The following SEC61A1 variants were observed in gnomAD, a reference collection of about 807,000 sequenced individuals.
SEC61A1 encodes the protein protein transport protein Sec61 subunit alpha isoform 1.
In SEC61A1, 15 loss-of-function variants were observed where a neutral mutation model predicts 55.2. That is an observed-to-expected ratio of 0.27 (90% CI 0.18 to 0.42). The LOEUF (loss-of-function observed/expected upper bound fraction) is 0.42, where lower values mean the gene tolerates loss of function less well. Among genes scored for constraint, SEC61A1 ranks in the 10% least tolerant of loss-of-function variants. SEC61A1 has a pLI of 1.00. For synonymous variants in SEC61A1, 247 were observed against 234.0 expected (o/e 1.06, Z -0.51); for missense variants, 284 against 602.6 (o/e 0.47, Z 5.53).
chr3:128,052,039 A>G (rs1400793783), upstream of SEC61A1: 1 of 748,362 alleles, frequency 1.3e-6, no homozygotes, highest in African/African-American at 1.7e-5. Flanking sequence ...CTAACGTCAA[A>G]GAGCAGTGAG....
intron 2 of SEC61A1, among the ~76,000 whole-genome samples, 167 bp downstream of exon 2, chr3:128,053,069 C>T (rs993707402): frequency 3.3e-5 from 5 of 152,176 alleles, no homozygotes; most frequent in African/African-American, 1.2e-4. Context: ...GAAAGGTGAC[C>T]TGGTTGTGTG....
intron 1 of SEC61A1, 129 bp downstream of exon 1, chr3:128,052,688 C>T (rs1941707084): frequency 6.6e-7 from 1 of 1,521,988 alleles, no homozygotes; most frequent in African/African-American, 1.4e-5. Flanking sequence ...TGCCCCCGGC[C>T]CTTCTCGAGT....
At position 128,069,886 on chromosome 3, in the gene SEC61A1, G is replaced by A. The variant is rs561318023; in HGVS notation, c.*224G>A. ...TGTGAAAGTGAAATTTTATTCAGCC[G>A]ACTGCCAGAGAAGTGGGAATGGTAT... On this transcript the variant is annotated 3_prime_UTR_variant, in exon 12 of 12. Coordinates refer to ENST00000243253, the MANE Select transcript of SEC61A1 (RefSeq NM_013336.4). 87 of 540,548 alleles carry A rather than the reference G, an allele frequency of 1.6e-4. No individual in the cohort carries two copies. The highest frequency in any genetic ancestry group is 1.3e-3 in the African/African-American group (68 of 52,606). 33.5% of individuals were successfully genotyped at this position (540,548 alleles called of 1,614,324 possible).
At position 128,068,035 on chromosome 3, in the gene SEC61A1, C is replaced by T; in HGVS notation, c.1220C>T (p.Thr407Ile). ...QQMVMRGHRETSMVHELNRYI... is the reference protein window; with the variant it reads ...QQMVMRGHREISMVHELNRYI... ...ATGGTGATGAGAGGCCACCGAGAGACCTCCATGGTCCATGAACTCAACCGG... is the reference window on the plus strand; with the variant it reads ...ATGGTGATGAGAGGCCACCGAGAGATCTCCATGGTCCATGAACTCAACCGG... The change falls in exon 11 of 12, where the codon ACC (threonine) becomes ATC (isoleucine). Residue 407 changes from threonine (T) to isoleucine (I), a missense_variant. By Grantham distance (89) the Thr-to-Ile change is moderately conservative. Transcript: ENST00000243253. The T allele has an allele frequency of 1.2e-6, 2 of 1,613,954 alleles. No homozygotes were observed. The highest frequency in any genetic ancestry group is 1.7e-6 in the Non-Finnish European group (2 of 1,179,952).
At chr3:128,069,172 ATAAT>A (rs1352770719) in intron 11 of SEC61A1, among the ~76,000 whole-genome samples, 1 of 152,226 alleles carries the variant, frequency 6.6e-6, no homozygotes, top group East Asian at 1.9e-4. Flanking sequence ...TTTCAACATT[ATAAT>A]TAATGTTAAG....
At chr3:128,051,980 G>C, upstream of SEC61A1, 1 of 1,182,676 alleles carries the variant, frequency 8.5e-7, no homozygotes, top group East Asian at 2.5e-5. Context: ...GGGCGCCGCG[G>C]TAGACGCTGG....
At chr3:128,069,006 CTTAATA>C (rs1361764945) in intron 11 of SEC61A1, 1 of 152,620 alleles carries the variant, frequency 6.6e-6, no homozygotes, top group African/African-American at 2.4e-5. Context: ...AGTTCATTCT[CTTAATA>C]TTAAGCTGCT....
At chr3:128,055,127 C>G (rs1456962221) in intron 2 of SEC61A1, among the ~76,000 whole-genome samples, 3 of 152,184 alleles carry the variant, frequency 2.0e-5, no homozygotes. Flanking sequence ...TTTTACAAGT[C>G]ATGTTCTATT....
At chr3:128,064,317 G>T (rs1380395414) in intron 7 of SEC61A1, among the ~76,000 whole-genome samples, 2 of 151,756 alleles carry the variant, frequency 1.3e-5, no homozygotes, top group Non-Finnish European at 2.9e-5. Flanking sequence ...TGACTCATGT[G>T]CCTAAGAAAT....
intron 2 of SEC61A1, among the ~76,000 whole-genome samples, chr3:128,054,952 T>C (rs1021904183): frequency 4.6e-5 from 7 of 152,230 alleles, no homozygotes; most frequent in African/African-American, 1.4e-4. Context: ...CAAATGTTAC[T>C]AGTAGGTTAA....
chr3:128,057,645 G>C (rs1026648600), intron 5 of SEC61A1, among the ~76,000 whole-genome samples: 18 of 152,070 alleles, frequency 1.2e-4, no homozygotes, highest in African/African-American at 4.3e-4. Flanking sequence ...ATCATCTGAG[G>C]TCAGGAGTTT....
chr3:128,066,305 G>C (rs1941975857), intron 8 of SEC61A1, among the ~76,000 whole-genome samples: 1 of 152,158 alleles, frequency 6.6e-6, no homozygotes, highest in Non-Finnish European at 1.5e-5. Context: ...CTTGGGATTT[G>C]GGTGTGTGGC....
At chr3:128,055,493 C>T (rs2107641510) in intron 2 of SEC61A1, 23 bp from the exon 3 acceptor site, 1 of 1,583,922 alleles carries the variant, frequency 6.3e-7, no homozygotes, top group African/African-American at 1.3e-5. Context: ...CTCCCTGCTT[C>T]AATTCATTCT....
At position 128,060,496 on chromosome 3, in the gene SEC61A1, G is replaced by A; in HGVS notation, c.463-12G>A. 3 of 1,613,204 alleles carry A rather than the reference G, an allele frequency of 1.9e-6. No homozygotes were observed. Among genetic ancestry groups the A allele is most frequent in the Non-Finnish European group, 2.5e-6 (3 of 1,179,670 alleles). Reference sequence around the variant, plus strand: ...CAGTAACACATAGTCTTGTATTTTTGAATTTTTACAGCTCTTTGTTGCTGG... The same window carrying A: ...CAGTAACACATAGTCTTGTATTTTTAAATTTTTACAGCTCTTTGTTGCTGG... On this transcript the variant is annotated splice_polypyrimidine_tract_variant and intron_variant, in intron 6 of 11. Coordinates refer to ENST00000243253, the MANE Select transcript of SEC61A1 (RefSeq NM_013336.4).
intron 2 of SEC61A1, 111 bp downstream of exon 2, chr3:128,053,013 T>A: frequency 1.3e-6 from 1 of 764,130 alleles, no homozygotes; most frequent in Non-Finnish European, 2.2e-6. Flanking sequence ...CTCTCCCTTC[T>A]CTTCCCTTGG....
At position 128,069,955 on chromosome 3, in the gene SEC61A1, G is replaced by T. The variant is rs1942111062; in HGVS notation, c.*293G>T. On this transcript the variant is annotated 3_prime_UTR_variant, in exon 12 of 12. Transcript: ENST00000243253. ...CCATGTAACTTTTGTTTTAACCTTT[G>T]CACCTTCTCAGTGCTGTATGCGGCT... 1 of 302,052 alleles carries T rather than the reference G, an allele frequency of 3.3e-6. No individual in the cohort carries two copies. The highest frequency in any genetic ancestry group is 5.3e-5 in the South Asian group (1 of 18,838). 18.7% of individuals were successfully genotyped at this position (302,052 alleles called of 1,614,324 possible).
intron 7 of SEC61A1, among the ~76,000 whole-genome samples, chr3:128,061,184 C>T (rs1941845965): frequency 6.6e-6 from 1 of 152,230 alleles, no homozygotes; most frequent in Non-Finnish European, 1.5e-5. Flanking sequence ...GTTAGTCATA[C>T]ATACGTGGCT....
chr3:128,052,665 A>G (rs980983324), intron 1 of SEC61A1, 106 bp downstream of exon 1: 354 of 1,540,390 alleles, frequency 2.3e-4, no homozygotes, highest in Admixed American at 3.1e-4. Context: ...GGCCCCCTGC[A>G]GAACGCGGCC....
Position 128,055,531 on chromosome 3 carries a change from A to G in SEC61A1, c.91A>G (p.Lys31Glu). The G allele has an allele frequency of 1.2e-6, 2 of 1,613,114 alleles. No homozygotes were observed. The highest frequency in any genetic ancestry group is 1.7e-6 in the Non-Finnish European group (2 of 1,179,058). The part of the protein sequence containing the change: ...KPERKIQFKE[K>E]VLWTAITLFI... ...CCTACTCTAGATTCAGTTTAAGGAG[A>G]AAGTGCTGTGGACCGCTATCACCCT... The change falls in exon 3 of 12, where the codon AAA (lysine) becomes GAA (glutamate). Residue 31 changes from lysine (K) to glutamate (E), a missense_variant. Coordinates refer to ENST00000243253, the MANE Select transcript of SEC61A1 (RefSeq NM_013336.4).
Sources: allele counts gnomAD v4.1 joint callset (sites outside exome capture counted in the v4.1 genomes callset), GRCh38; gene constraint gnomAD v4.1.1; transcripts MANE v1.5; gene names NCBI Gene and HGNC (gene_info 2026-07-23, HGNC 2026-07-21).